The following CEP120 variants were observed in gnomAD, a reference collection of about 807,000 sequenced individuals.
CEP120 encodes centrosomal protein of 120 kDa.
In CEP120, 113 loss-of-function variants were observed where a neutral mutation model predicts 126.5. That is an observed-to-expected ratio of 0.89 (90% CI 0.77 to 1.04). The LOEUF (loss-of-function observed/expected upper bound fraction) is 1.04. Among genes scored for constraint, CEP120 ranks in the 50% least tolerant of loss-of-function variants. The probability of loss-of-function intolerance (pLI) is 0.00; values close to 1 mark genes in which losing one functional copy is unlikely to be tolerated. For synonymous variants in CEP120, 400 were observed against 394.3 expected, an observed-to-expected ratio of 1.01 and a Z score of -0.17; for missense variants, 1,230 against 1,155.7, an observed-to-expected ratio of 1.06 and a Z score of -0.93.
intron 4 of CEP120, among the ~76,000 whole-genome samples, chr5:123,407,893 C>T (rs1478201101): frequency 6.6e-6 from 1 of 151,970 alleles, no homozygotes; most frequent in Admixed American, 6.6e-5. Context: ...AAATCAGTAA[C>T]AGAGATAGCT....
intron 19 of CEP120, among the ~76,000 whole-genome samples, chr5:123,349,444 T>C (rs1006505481): frequency 3.3e-5 from 5 of 152,160 alleles, no homozygotes; most frequent in African/African-American, 9.7e-5. Context: ...ATTAATAATA[T>C]AACAAAATTT....
chr5:123,405,535 C>T (rs1252985220), intron 4 of CEP120, among the ~76,000 whole-genome samples: 1 of 152,208 alleles, frequency 6.6e-6, no homozygotes, highest in Non-Finnish European at 1.5e-5. Flanking sequence ...AAATACCCAA[C>T]TCCAGCTGCC....
chr5:123,349,837 T>C (rs1052816989), intron 19 of CEP120, 107 bp downstream of exon 19: 1 of 866,454 alleles, frequency 1.2e-6, no homozygotes, highest in Non-Finnish European at 1.8e-6. Flanking sequence ...GTCTGCTACA[T>C]TTTATATATT....
At chr5:123,391,533 C>T (rs1772399592) in intron 6 of CEP120, among the ~76,000 whole-genome samples, 196 bp from the exon 7 acceptor site, 1 of 152,144 alleles carries the variant, frequency 6.6e-6, no homozygotes, top group Non-Finnish European at 1.5e-5. Flanking sequence ...ACAAAGTTTA[C>T]TAAAAACTCA....
intron 16 of CEP120, among the ~76,000 whole-genome samples, chr5:123,373,201 G>A (rs1770967771): frequency 6.6e-6 from 1 of 152,000 alleles, no homozygotes; most frequent in Non-Finnish European, 1.5e-5. Flanking sequence ...TGAGAGCAGA[G>A]TAAGTGCAAG....
chr5:123,353,286 AGTTT>A (rs1769329188), intron 18 of CEP120, among the ~76,000 whole-genome samples: 2 of 151,928 alleles, frequency 1.3e-5, no homozygotes, highest in Admixed American at 6.6e-5. Flanking sequence ...GTCTAGTCTT[AGTTT>A]GTTAATGAAT....
At chr5:123,375,219 A>T (rs1370424277) in intron 16 of CEP120, among the ~76,000 whole-genome samples, 1 of 152,146 alleles carries the variant, frequency 6.6e-6, no homozygotes, top group Non-Finnish European at 1.5e-5. Context: ...CTTCAAGAAT[A>T]CAAGTGTGCT....
intron 3 of CEP120, among the ~76,000 whole-genome samples, 179 bp downstream of exon 3, chr5:123,415,831 T>C (rs923598265): frequency 6.6e-6 from 1 of 151,402 alleles, no homozygotes; most frequent in East Asian, 2.0e-4. Context: ...AAGATTGTGC[T>C]ATTGCACTCC....
At chr5:123,390,747 A>C (rs1772336670) in intron 7 of CEP120, among the ~76,000 whole-genome samples, 1 of 152,192 alleles carries the variant, frequency 6.6e-6, no homozygotes, top group Non-Finnish European at 1.5e-5. Context: ...CAAGGATTTT[A>C]TTTTGGCTCA....
intron 4 of CEP120, among the ~76,000 whole-genome samples, chr5:123,404,823 T>C (rs1472216653): frequency 6.6e-6 from 1 of 152,094 alleles, no homozygotes; most frequent in Admixed American, 6.5e-5. Context: ...AATTGTATGA[T>C]TTCAATTTCA....
At chr5:123,415,168 G>C (rs1022506106) in intron 3 of CEP120, among the ~76,000 whole-genome samples, 13 of 152,050 alleles carry the variant, frequency 8.5e-5, no homozygotes, top group African/African-American at 3.1e-4. Context: ...GGAATGCAAG[G>C]AGCAGGAAGC....
At chr5:123,401,215 G>A in intron 4 of CEP120, 1 of 1,612,778 alleles carries the variant, frequency 6.2e-7, no homozygotes, top group Non-Finnish European at 8.5e-7. Flanking sequence ...ACGTTCATCA[G>A]CTCCTGGTAC....
Position 123,418,493 on chromosome 5 carries a change from T to C in CEP120, c.72A>G (p.Pro24=), listed in dbSNP as rs775789232. 1 of 1,607,496 alleles carries C rather than the reference T, an allele frequency of 6.2e-7. No individual in the cohort carries two copies. ...TTGCTTCCACTACAAGCATATGCTT[T>C]GGACGTTTGGGGAAATGCCGACCTG... ...ILEGRHFPKR[P]KHMLVVEAKF... The change falls in exon 2 of 20, where the codon CCA becomes CCG. Residue 24 remains proline (P), a synonymous_variant. Coordinates refer to ENST00000306467, the MANE Select transcript of CEP120 (RefSeq NM_001375405.1).
Position 123,344,909 on chromosome 5 carries a change from T to G in CEP120, c.*1610A>C, listed in dbSNP as rs1768705675. On this transcript the variant is annotated 3_prime_UTR_variant, in exon 20 of 20. Transcript: ENST00000306467. ...CTCAGAGATGCACACAATTATGATT[T>G]TATTTGTTAAGTTACAATAGCCAAA... 1 of 152,174 alleles carries G rather than the reference T, an allele frequency of 6.6e-6. No homozygotes were observed. Among genetic ancestry groups the G allele is most frequent in the African/African-American group, 2.4e-5 (1 of 41,440 alleles). The allele number at this position is 152,174 out of a possible 1,614,324, so 9.4% of individuals were successfully genotyped here.
intron 11 of CEP120, 81 bp downstream of exon 11, chr5:123,384,870 G>A (rs1771910284): frequency 8.4e-7 from 1 of 1,191,272 alleles, no homozygotes; most frequent in African/African-American, 1.5e-5. Context: ...GGTTATGGAA[G>A]GGTGAAGTGG....
chr5:123,423,236 A>G lies in CEP120; in HGVS notation c.-238T>C, dbSNP rs796298303. 8 of 534,750 alleles carry G rather than the reference A, an allele frequency of 1.5e-5. No individual in the cohort carries two copies. The African/African-American group carries it at 1.6e-4, about 10-fold the overall frequency. The allele number at this position is 534,750 out of a possible 1,614,324, so 33.1% of individuals were successfully genotyped here. A position where few individuals can be genotyped will look rare whatever the true frequency, so the allele number is the denominator to read the frequency against. ...CGACTCAAGGAAAAAGCCACGCTGCAGCCCTGCCAGTCTGCAAGCAGAGAC... is the reference window on the plus strand; with the variant it reads ...CGACTCAAGGAAAAAGCCACGCTGCGGCCCTGCCAGTCTGCAAGCAGAGAC... On this transcript the variant is annotated 5_prime_UTR_variant, in exon 1 of 20. Coordinates refer to ENST00000306467, the MANE Select transcript of CEP120 (RefSeq NM_001375405.1).
At position 123,382,804 on chromosome 5, in the gene CEP120, A is replaced by G. The variant is rs773146730; in HGVS notation, c.1946T>C (p.Leu649Ser). The G allele has an allele frequency of 1.9e-6, 3 of 1,613,468 alleles. No homozygotes were observed. Among genetic ancestry groups the G allele is most frequent in the Admixed American group, 3.3e-5 (2 of 59,860 alleles). Residue 649 changes from leucine to serine, a missense_variant, in exon 13 of 20, where the codon TTA (leucine) becomes TCA (serine). Leu to Ser is a moderately radical substitution (Grantham distance 145). Transcript: ENST00000306467. ...TAGCTCAAGTGCTGCTTTGTATTCT[A>G]ACGTTTCACGAGGCTCTGTCTGGAT... The part of the protein sequence containing the change: ...SEIQTEPRET[L>S]EYKAALELEM...
intron 17 of CEP120, among the ~76,000 whole-genome samples, chr5:123,366,474 T>C (rs1386702829): frequency 1.3e-5 from 2 of 151,742 alleles, no homozygotes; most frequent in African/African-American, 4.8e-5. Context: ...ATTCACCGGT[T>C]TCCAATCTCC....
At chr5:123,346,779 T>G (rs1768855644) in intron 19 of CEP120, 26 bp from the exon 20 acceptor site, 1 of 1,491,314 alleles carries the variant, frequency 6.7e-7, no homozygotes, top group Non-Finnish European at 9.0e-7. Context: ...CAAATGCCAC[T>G]GTAGCAACTG....
Sources: allele counts gnomAD v4.1 joint callset (sites outside exome capture counted in the v4.1 genomes callset), GRCh38; gene constraint gnomAD v4.1.1; transcripts MANE v1.5; gene names NCBI Gene and HGNC (gene_info 2026-07-23, HGNC 2026-07-21).